Variants in PLCB4 observed in about 807,000 individuals in gnomAD.
PLCB4 encodes the protein 1-phosphatidylinositol 4,5-bisphosphate phosphodiesterase beta-4.
A neutral mutation model predicts 178.8 loss-of-function variants in PLCB4; 77 were observed. The ratio of observed to expected loss-of-function variants is 0.43; its 90% CI spans 0.36 to 0.52. The LOEUF is 0.52. Ranked by LOEUF, PLCB4 falls within the 20% of genes least tolerant of loss-of-function variation. The pLI is 0.00. For synonymous variants in PLCB4, 496 were observed against 490.8 expected (o/e 1.01, Z -0.14); for missense variants, 1,024 against 1,453.4 (o/e 0.70, Z 4.80).
Position 9,243,083 on chromosome 20 carries a change from A to G in PLCB4, c.-16+25631A>G, listed in dbSNP as rs549116969. Reference sequence around the variant, plus strand: ...ATGTAATATTTGGGATGTACTTTTAATACTAAAACATTATTTGTTGTTGAT... The same window carrying G: ...ATGTAATATTTGGGATGTACTTTTAGTACTAAAACATTATTTGTTGTTGAT... On this transcript the variant is annotated intron_variant, in intron 3 of 39. Coordinates refer to ENST00000378473, the MANE Select transcript of PLCB4 (RefSeq NM_001377142.1). Among the ~76,000 whole-genome samples, 10 of 152,326 alleles carry G rather than the reference A, an allele frequency of 6.6e-5. No homozygotes were observed. The South Asian group carries it at 2.1e-3, about 32-fold the overall frequency.
intron 7 of PLCB4, among the ~76,000 whole-genome samples, chr20:9,343,916 C>T (rs185912957): frequency 2.6e-4 from 40 of 152,350 alleles, no homozygotes; most frequent in African/African-American, 9.1e-4. Flanking sequence ...TCCTCACCAA[C>T]GTCATCACGA....
intron 3 of PLCB4, among the ~76,000 whole-genome samples, chr20:9,245,675 T>G (rs13045581): frequency 0.019 from 2,901 of 151,488 alleles, 35 homozygotes; most frequent in Non-Finnish European, 0.03. Context: ...AGTATGGCCA[T>G]GCCAGCACCT....
At chr20:9,303,031 CAAACTGGG>C (rs2094723832) in intron 3 of PLCB4, among the ~76,000 whole-genome samples, 1 of 152,086 alleles carries the variant, frequency 6.6e-6, no homozygotes, top group African/African-American at 2.4e-5. Context: ...CACAGCCTGG[CAAACTGGG>C]ATGGCCACCA....
chr20:9,162,696 A>G (rs2092908315), intron 2 of PLCB4, among the ~76,000 whole-genome samples: 1 of 151,958 alleles, frequency 6.6e-6, no homozygotes, highest in Non-Finnish European at 1.5e-5. Flanking sequence ...ATTTACATTT[A>G]TATTGTGTTT....
chr20:9,236,068 A>T (rs932130938), intron 3 of PLCB4, among the ~76,000 whole-genome samples: 2 of 152,170 alleles, frequency 1.3e-5, no homozygotes, highest in African/African-American at 4.8e-5. Context: ...AATATGCGGG[A>T]TCCCCCTTCA....
chr20:9,395,160 C>T (rs568050470), intron 18 of PLCB4, among the ~76,000 whole-genome samples: 1 of 152,270 alleles, frequency 6.6e-6, no homozygotes, highest in African/African-American at 2.4e-5. Flanking sequence ...CATAACTGTT[C>T]GTAAACCTTG....
chr20:9,398,502 A>T (rs541558109), intron 19 of PLCB4, among the ~76,000 whole-genome samples: 6 of 152,358 alleles, frequency 3.9e-5, no homozygotes, highest in Admixed American at 2.6e-4. Flanking sequence ...GTTAAATTTC[A>T]TAGATGGTAA....
At chr20:9,120,613 T>C (rs1260117440) in intron 2 of PLCB4, among the ~76,000 whole-genome samples, 1 of 152,094 alleles carries the variant, frequency 6.6e-6, no homozygotes, top group East Asian at 1.9e-4. Flanking sequence ...ATCTGCAGAG[T>C]GTCATTTGCT....
intron 7 of PLCB4, among the ~76,000 whole-genome samples, chr20:9,350,215 A>G (rs1048755172): frequency 2.6e-5 from 4 of 152,184 alleles, no homozygotes; most frequent in African/African-American, 9.7e-5. Flanking sequence ...AGCCTAAAAT[A>G]TTTATTATCT....
At chr20:9,304,241 G>A (rs1198281601) in intron 3 of PLCB4, among the ~76,000 whole-genome samples, 1 of 151,778 alleles carries the variant, frequency 6.6e-6, no homozygotes. Context: ...GTGTGTGTGG[G>A]GGGGTGTGAA....
At chr20:9,404,365 A>G (rs572538209) in intron 20 of PLCB4, among the ~76,000 whole-genome samples, 2 of 152,302 alleles carry the variant, frequency 1.3e-5, no homozygotes, top group South Asian at 4.1e-4. Flanking sequence ...TATTGCCTTT[A>G]CACACTATCT....
chr20:9,292,862 T>G (rs1302032376), intron 3 of PLCB4, among the ~76,000 whole-genome samples: 1 of 152,154 alleles, frequency 6.6e-6, no homozygotes, highest in Non-Finnish European at 1.5e-5. Flanking sequence ...GTGGATCACC[T>G]GAGGTCAGGA....
chr20:9,246,291 C>G (rs934162288), intron 3 of PLCB4, among the ~76,000 whole-genome samples: 1 of 152,068 alleles, frequency 6.6e-6, no homozygotes, highest in African/African-American at 2.4e-5. Flanking sequence ...TTCAGTTTCT[C>G]CCTTACCACT....
At chr20:9,143,726 A>C (rs928033857) in intron 2 of PLCB4, among the ~76,000 whole-genome samples, 1 of 152,134 alleles carries the variant, frequency 6.6e-6, no homozygotes, top group Non-Finnish European at 1.5e-5. Context: ...AGGAGATTAT[A>C]CTATACAGGG....
At chr20:9,422,956 T>C (rs1176939899) in intron 27 of PLCB4, among the ~76,000 whole-genome samples, 1 of 152,222 alleles carries the variant, frequency 6.6e-6, no homozygotes, top group Non-Finnish European at 1.5e-5. Context: ...TCAAGCAAGA[T>C]GTCCTGGTTG....
chr20:9,372,021 C>T (rs1384073856), intron 10 of PLCB4, among the ~76,000 whole-genome samples: 1 of 152,150 alleles, frequency 6.6e-6, no homozygotes, highest in African/African-American at 2.4e-5. Context: ...TATTTATATT[C>T]GTTCTTTGGG....
chr20:9,326,601 G>A (rs1010473259), intron 4 of PLCB4, among the ~76,000 whole-genome samples: 8 of 152,096 alleles, frequency 5.3e-5, no homozygotes, highest in Admixed American at 6.6e-5. Flanking sequence ...TCAGGGAGGT[G>A]CAGGGCAGAG....
intron 7 of PLCB4, among the ~76,000 whole-genome samples, chr20:9,343,344 G>T (rs2148108635): frequency 6.6e-6 from 1 of 152,234 alleles, no homozygotes; most frequent in Non-Finnish European, 1.5e-5. Flanking sequence ...TGTGGAGGAA[G>T]CTTTCCTGAC....
chr20:9,360,498 A>G (rs2050025), intron 7 of PLCB4, among the ~76,000 whole-genome samples: 4,114 of 152,040 alleles, frequency 0.027, 193 homozygotes, highest in African/African-American at 0.091. Context: ...TGTCTAGGAA[A>G]CTATGGACTT....
Sources: gnomAD v4.1 joint callset for allele counts (sites outside exome capture counted in the v4.1 genomes callset) on GRCh38, gnomAD v4.1.1 for gene constraint, MANE v1.5 for transcripts, NCBI Gene and HGNC (gene_info 2026-07-23, HGNC 2026-07-21) for gene names.